ST6GAL1: variants seen among roughly 807,000 people sequenced by gnomAD.
ST6GAL1 encodes ST6 beta-galactoside alpha-2,6-sialyltransferase 1, also known as beta-galactoside alpha-2,6-sialyltransferase 1.
Under a neutral mutation model 38.0 loss-of-function variants are expected in ST6GAL1, and 20 were observed. The ratio of observed to expected loss-of-function variants is 0.53; its 90% CI spans 0.37 to 0.77. The LOEUF is 0.77. Among genes scored for constraint, ST6GAL1 ranks in the 30% least tolerant of loss-of-function variants. The pLI is 0.00. For synonymous variants in ST6GAL1, 196 were observed against 188.2 expected (o/e 1.04, Z -0.34); for missense variants, 432 against 496.4 (o/e 0.87, Z 1.23).
chr3:186,942,818 A>G (rs529735081), intron 1 of ST6GAL1, among the ~76,000 whole-genome samples: 47 of 152,246 alleles, frequency 3.1e-4, no homozygotes, highest in African/African-American at 1.1e-3. Flanking sequence ...AGCTTCAGAA[A>G]GGGCTAGAAA....
At position 187,043,273 on chromosome 3, in the gene ST6GAL1, G is replaced by A. The variant is rs141692826; in HGVS notation, c.570G>A (p.Ala190=). Residue 190 remains alanine, a synonymous_variant, in exon 4 of 8, where the codon GCG becomes GCA. Transcript: ENST00000169298. ...PWGRCAVVSS[A]GSLKSSQLGR... ...GCAGGTGTGCTGTTGTGTCGTCAGC[G>A]GGATCTCTGAAGTCCTCCCAACTAG... is the stretch of plus-strand genomic sequence containing the variant. 2.8e-5 allele frequency: 45 copies of A among 1,614,092 alleles called. 1 individual carries two copies. The highest frequency in any genetic ancestry group is 8.0e-5 in the African/African-American group (6 of 75,044).
intron 1 of ST6GAL1, among the ~76,000 whole-genome samples, chr3:186,961,424 A>G (rs923865031): frequency 4.6e-5 from 7 of 151,786 alleles, no homozygotes; most frequent in African/African-American, 7.3e-5. Context: ...TTCCTTATGT[A>G]TGGACGAATT....
chr3:186,960,635 A>G (rs1322770621), intron 1 of ST6GAL1, among the ~76,000 whole-genome samples: 2 of 152,110 alleles, frequency 1.3e-5, no homozygotes, highest in Non-Finnish European at 2.9e-5. Context: ...GTATGGTGAT[A>G]GGAGGAAGTT....
intron 2 of ST6GAL1, among the ~76,000 whole-genome samples, chr3:187,035,559 T>C (rs1717901645): frequency 6.6e-6 from 1 of 152,252 alleles, no homozygotes; most frequent in East Asian, 1.9e-4. Flanking sequence ...AACAGACACA[T>C]AGACTAATGG....
rs905644234 is a variant in ST6GAL1, at chr3:186,991,295, A to T, written c.-183+27369A>T. On this transcript the variant is annotated intron_variant, in intron 2 of 7. Coordinates refer to ENST00000169298, the MANE Select transcript of ST6GAL1 (RefSeq NM_173216.2). ...CCTAACCTGGGCCTAGCGGTGTGGT[A>T]GGTGCCTGGGCTTCAGAGAAGGCTA... Among the ~76,000 whole-genome samples, 5 of 152,126 alleles carry T rather than the reference A, an allele frequency of 3.3e-5. No homozygotes were observed. The East Asian group carries it at 7.7e-4, about 23-fold the overall frequency.
chr3:186,981,589 G>A (rs1434830701), intron 2 of ST6GAL1, among the ~76,000 whole-genome samples: 2 of 152,134 alleles, frequency 1.3e-5, no homozygotes, highest in South Asian at 2.1e-4. Flanking sequence ...TTTCCTCAGG[G>A]AGACTGATGA....
At chr3:186,998,144 A>G (rs1420135467) in intron 2 of ST6GAL1, among the ~76,000 whole-genome samples, 1 of 152,192 alleles carries the variant, frequency 6.6e-6, no homozygotes, top group Non-Finnish European at 1.5e-5. Context: ...AAATTAATTT[A>G]AACAACATAG....
At chr3:186,990,603 C>A (rs1352064907) in intron 2 of ST6GAL1, among the ~76,000 whole-genome samples, 1 of 151,712 alleles carries the variant, frequency 6.6e-6, no homozygotes, top group Non-Finnish European at 1.5e-5. Context: ...CCCCAGCCGC[C>A]TTCTCCCATC....
At chr3:186,943,159 G>A (rs1714237741) in intron 1 of ST6GAL1, among the ~76,000 whole-genome samples, 1 of 152,244 alleles carries the variant, frequency 6.6e-6, no homozygotes, top group African/African-American at 2.4e-5. Context: ...GATCCAGTAA[G>A]TTTGGGAAAG....
At chr3:186,958,845 C>T (rs549337285) in intron 1 of ST6GAL1, among the ~76,000 whole-genome samples, 5 of 151,274 alleles carry the variant, frequency 3.3e-5, no homozygotes, top group Admixed American at 6.6e-5. Context: ...CCCAGCTACT[C>T]GGGAGGCTGA....
intron 5 of ST6GAL1, among the ~76,000 whole-genome samples, chr3:187,069,949 G>T (rs1435708068): frequency 6.6e-6 from 1 of 152,204 alleles, no homozygotes; most frequent in Non-Finnish European, 1.5e-5. Flanking sequence ...TGGTGTTCCA[G>T]TGTCAGAATC....
At chr3:187,017,105 C>G (rs1717140926) in intron 2 of ST6GAL1, among the ~76,000 whole-genome samples, 2 of 152,152 alleles carry the variant, frequency 1.3e-5, no homozygotes, top group Admixed American at 6.5e-5. Flanking sequence ...TAACTCTGAG[C>G]TGTTATTGGG....
In ST6GAL1 at chr3:187,076,349, GT is replaced by G. The variant is rs1560188236; in HGVS notation, c.*547del. ...CTCCCGAGGTCCATGCCCCTGGAAC[GT>G]GTTCCTATCACTCTGGCTGGTTGGG... On this transcript the variant is annotated 3_prime_UTR_variant, in exon 8 of 8. Transcript: ENST00000169298. 1 of 160,598 alleles carries G rather than the reference GT, an allele frequency of 6.2e-6. No homozygotes were observed. The highest frequency in any genetic ancestry group is 1.4e-5 in the Non-Finnish European group (1 of 73,758). The allele number at this position is 160,598 out of a possible 1,614,324, so 9.9% of individuals were successfully genotyped here. A position where few individuals can be genotyped will look rare whatever the true frequency, so the allele number is the denominator to read the frequency against.
rs1280995319 is a variant in ST6GAL1 at position 187,043,183 on chromosome 3, C to G, written c.480C>G (p.Phe160Leu). 3 of 1,614,202 alleles carry G rather than the reference C, an allele frequency of 1.9e-6. No homozygotes were observed. Among genetic ancestry groups the G allele is most frequent in the South Asian group, 1.1e-5 (1 of 91,072 alleles). ...VSMVEVTDFP[F>L]NTSEWEGYLP... ...TGGTAGAGGTCACAGATTTTCCCTT[C>G]AATACCTCTGAATGGGAGGGTTATC... Residue 160 changes from phenylalanine (F) to leucine (L), a missense_variant, in exon 4 of 8, where the codon TTC becomes TTG. Phe to Leu is a conservative substitution (Grantham distance 22, BLOSUM62 0). Coordinates refer to ENST00000169298, the MANE Select transcript of ST6GAL1 (RefSeq NM_173216.2).
chr3:187,060,061 G>A (rs970445151), intron 5 of ST6GAL1, among the ~76,000 whole-genome samples: 3 of 152,134 alleles, frequency 2.0e-5, no homozygotes, highest in Non-Finnish European at 4.4e-5. Context: ...GGAAATGGGG[G>A]ACTGGAAGGA....
At chr3:186,989,930 A>G (rs1171031105) in intron 2 of ST6GAL1, among the ~76,000 whole-genome samples, 1 of 151,888 alleles carries the variant, frequency 6.6e-6, no homozygotes, top group African/African-American at 2.4e-5. Flanking sequence ...TTCCTTATCC[A>G]CCCTTATCTG....
At chr3:187,045,052 T>C (rs1396337878) in intron 4 of ST6GAL1, among the ~76,000 whole-genome samples, 1 of 152,202 alleles carries the variant, frequency 6.6e-6, no homozygotes, top group African/African-American at 2.4e-5. Flanking sequence ...AAAGGCCCTT[T>C]GTTGAAGCCC....
At chr3:187,062,635 A>G (rs1718961750) in intron 5 of ST6GAL1, among the ~76,000 whole-genome samples, 1 of 148,432 alleles carries the variant, frequency 6.7e-6, no homozygotes, top group Admixed American at 6.7e-5. Context: ...GTTGCCAGGG[A>G]ATGTGAGGTG....
At chr3:187,068,064 C>T (rs903710747) in intron 5 of ST6GAL1, among the ~76,000 whole-genome samples, 2 of 152,074 alleles carry the variant, frequency 1.3e-5, no homozygotes, top group Admixed American at 1.3e-4. Flanking sequence ...GTCTCTGGGC[C>T]GGGTGTGGTG....
Sources: allele counts gnomAD v4.1 joint callset (sites outside exome capture counted in the v4.1 genomes callset), GRCh38; gene constraint gnomAD v4.1.1; transcripts MANE v1.5; gene names NCBI Gene and HGNC (gene_info 2026-07-23, HGNC 2026-07-21).